GSTT4: variants seen among roughly 807,000 people sequenced by gnomAD.
The protein encoded by GSTT4 is glutathione S-transferase theta-4.
chr22:24,003,309 C>T lies in GSTT4; in HGVS notation c.200+451G>A, dbSNP rs148720300. ...TCACTGCATCCTCTGCCTCCTGGCT[C>T]AAGCAGTCTTTCCGCCTCAGCCTCC... is the stretch of plus-strand genomic sequence containing the variant. On this transcript the variant is annotated intron_variant, in intron 2 of 4. Coordinates refer to ENST00000621179, the MANE Select transcript of GSTT4 (RefSeq NM_001358664.2). 6.4e-3 allele frequency among the ~76,000 whole-genome samples: 837 copies of T among 131,036 alleles called. 6 individuals carry two copies. The highest frequency in any genetic ancestry group is 0.021 in the African/African-American group (786 of 37,444). The allele number at this position is 131,036 out of a possible 152,430, so 86.0% of individuals were successfully genotyped here.
At position 24,005,410 on chromosome 22, in the gene GSTT4, C is replaced by T. The variant is rs1442603334; in HGVS notation, c.-54G>A. On this transcript the variant is annotated 5_prime_UTR_variant, in exon 1 of 5. Coordinates refer to ENST00000621179, the MANE Select transcript of GSTT4 (RefSeq NM_001358664.2). Reference sequence around the variant, plus strand: ...GCAGTTGGCCAGCCACAGACCTGGGCCTATGTCTGGCCAGAGTCCCTGGCC... The same window carrying T: ...GCAGTTGGCCAGCCACAGACCTGGGTCTATGTCTGGCCAGAGTCCCTGGCC... 1 of 153,404 alleles carries T rather than the reference C, an allele frequency of 6.5e-6. No individual in the cohort carries two copies. The highest frequency in any genetic ancestry group is 1.9e-4 in the East Asian group (1 of 5,206). The allele number at this position is 153,404 out of a possible 1,614,324, so 9.5% of individuals were successfully genotyped here.
chr22:23,996,468 G>T (rs1416588848), downstream of GSTT4, among the ~76,000 whole-genome samples: 1 of 152,116 alleles, frequency 6.6e-6, no homozygotes, highest in African/African-American at 2.4e-5. Context: ...ATGAAGTATG[G>T]TGTTAGTTAT....
intron 4 of GSTT4, among the ~76,000 whole-genome samples, chr22:23,999,189 C>T (rs397832402): frequency 1.3e-4 from 19 of 147,694 alleles, no homozygotes; most frequent in African/African-American, 4.0e-4. Context: ...CCTGCAGTTT[C>T]GCTGGCTTAC....
At chr22:23,997,894 T>C (rs2034132977), downstream of GSTT4, among the ~76,000 whole-genome samples, 1 of 152,208 alleles carries the variant, frequency 6.6e-6, no homozygotes, top group Non-Finnish European at 1.5e-5. Context: ...GGATACTTTT[T>C]GATGTCCCTT....
downstream of GSTT4, among the ~76,000 whole-genome samples, chr22:23,996,080 A>C (rs1189303053): frequency 6.6e-6 from 1 of 151,954 alleles, no homozygotes; most frequent in Non-Finnish European, 1.5e-5. Context: ...AGTAGCTGGG[A>C]CTACAGGCAT....
intron 1 of GSTT4, among the ~76,000 whole-genome samples, 167 bp from the exon 2 acceptor site, chr22:24,004,014 C>T (rs1228523023): frequency 2.6e-5 from 4 of 152,384 alleles, no homozygotes; most frequent in South Asian, 2.1e-4. Context: ...GTTGCAGAAC[C>T]GGACTGCGAT....
At chr22:24,003,870 G>A (rs2034292972) in intron 1 of GSTT4, 23 bp from the exon 2 acceptor site, 1 of 155,468 alleles carries the variant, frequency 6.4e-6, no homozygotes, top group Admixed American at 6.5e-5. Flanking sequence ...GGGAAGGTCT[G>A]AGGCTGTGGG....
intron 4 of GSTT4, among the ~76,000 whole-genome samples, chr22:23,999,292 A>T (rs1199261256): frequency 6.6e-6 from 1 of 151,958 alleles, no homozygotes; most frequent in Non-Finnish European, 1.5e-5. Context: ...CATATGGCTG[A>T]ACCCTTGGGG....
downstream of GSTT4, chr22:23,998,289 A>G: frequency 8.3e-6 from 1 of 120,074 alleles, no homozygotes; most frequent in South Asian, 2.7e-4. Flanking sequence ...ATGTAACCAT[A>G]TTTAACCCTT....
rs11343686 is a variant in GSTT4, at chr22:23,998,456, GTT to G, written c.*84_*85del. The G allele has an allele frequency of 1.1e-4, 15 of 139,326 alleles. No homozygotes were observed. Among genetic ancestry groups the G allele is most frequent in the Middle Eastern group, 6.9e-4 (1 of 1,444 alleles). 8.6% of individuals were successfully genotyped at this position (139,326 alleles called of 1,614,324 possible). A position where few individuals can be genotyped will look rare whatever the true frequency, so the allele number is the denominator to read the frequency against. On this transcript the variant is annotated 3_prime_UTR_variant, in exon 5 of 5. Coordinates refer to ENST00000621179, the MANE Select transcript of GSTT4 (RefSeq NM_001358664.2). ...AGAACAGTTGTTTTTTTGTTTTTTT[GTT>G]TTTTTTTTTTTAACATTTCCTTTAA...
At chr22:23,992,790 T>TC in the GSTT4 span, among the ~76,000 whole-genome samples, 25 of 123,902 alleles carry the variant, frequency 2.0e-4, no homozygotes, top group Non-Finnish European at 4.0e-4. Context: ...TTCTTTTTTT[T>TC]TTCGAGACAG....
At chr22:23,997,333 C>G (rs371790086), downstream of GSTT4, among the ~76,000 whole-genome samples, 8 of 152,148 alleles carry the variant, frequency 5.3e-5, no homozygotes, top group African/African-American at 1.9e-4. Flanking sequence ...CCTCCCACCT[C>G]GGCCACCCAG....
At chr22:23,993,084 C>A in the GSTT4 span, among the ~76,000 whole-genome samples, 1 of 152,078 alleles carries the variant, frequency 6.6e-6, no homozygotes, top group African/African-American at 2.4e-5. Flanking sequence ...CTCTCACATT[C>A]TTGACATTTA....
chr22:23,995,871 TG>T (rs1476515536), downstream of GSTT4, among the ~76,000 whole-genome samples: 5 of 152,184 alleles, frequency 3.3e-5, no homozygotes, highest in African/African-American at 1.2e-4. Context: ...GTTTTAATTT[TG>T]TTTTTCATCC....
At chr22:24,002,294 C>T (rs1165108497) in intron 2 of GSTT4, among the ~76,000 whole-genome samples, 9 of 152,252 alleles carry the variant, frequency 5.9e-5, no homozygotes, top group African/African-American at 1.4e-4. Flanking sequence ...CAGCAACTAT[C>T]GGGAAGGTTG....
intron 2 of GSTT4, among the ~76,000 whole-genome samples, chr22:24,003,073 G>A (rs1028219509): frequency 3.9e-5 from 6 of 152,182 alleles, no homozygotes; most frequent in Non-Finnish European, 7.3e-5. Flanking sequence ...GGCCTCAAGC[G>A]ATCCTCCCGT....
intron 2 of GSTT4, among the ~76,000 whole-genome samples, 195 bp downstream of exon 2, chr22:24,003,565 T>G (rs2034284100): frequency 6.6e-6 from 1 of 152,280 alleles, no homozygotes; most frequent in Non-Finnish European, 1.5e-5. Flanking sequence ...AGAAATGATG[T>G]AAACTGGACC....
the GSTT4 span, among the ~76,000 whole-genome samples, chr22:23,990,637 T>C: frequency 1.7e-5 from 1 of 59,504 alleles, no homozygotes; most frequent in East Asian, 3.1e-4. Context: ...AATAAATAAA[T>C]AAATAAATAA....
At chr22:24,003,598 T>C (rs556295353) in intron 2 of GSTT4, among the ~76,000 whole-genome samples, 162 bp downstream of exon 2, 46 of 152,392 alleles carry the variant, frequency 3.0e-4, no homozygotes, top group African/African-American at 1.1e-3. Flanking sequence ...GAGTCAGAGC[T>C]GGGCGATGGA....
Sources: gnomAD v4.1 joint callset for allele counts (sites outside exome capture counted in the v4.1 genomes callset) on GRCh38, gnomAD v4.1.1 for gene constraint, MANE v1.5 for transcripts, NCBI Gene and HGNC (gene_info 2026-07-23, HGNC 2026-07-21) for gene names.